CDC42BPB: variants seen among roughly 807,000 people sequenced by gnomAD.
CDC42BPB encodes serine/threonine-protein kinase MRCK beta.
CDC42BPB carries 37 observed loss-of-function variants against 214.9 expected under a neutral mutation model. The ratio of observed to expected loss-of-function variants is 0.17; its 90% CI spans 0.13 to 0.23. The LOEUF (loss-of-function observed/expected upper bound fraction) is 0.23, where lower values mean the gene tolerates loss of function less well. Among genes scored for constraint, CDC42BPB ranks in the 10% least tolerant of loss-of-function variants. The pLI is 1.00. For synonymous variants in CDC42BPB, 931 were observed against 884.0 expected (o/e 1.05, Z -0.94); for missense variants, 1,694 against 2,227.0 (o/e 0.76, Z 4.82).
chr14:103,027,855 C>T (rs531986551), intron 1 of CDC42BPB, among the ~76,000 whole-genome samples: 6 of 152,196 alleles, frequency 3.9e-5, no homozygotes, highest in Non-Finnish European at 5.9e-5. Context: ...AAAAGCCAGG[C>T]GTGGTGGATC....
chr14:102,986,152 A>C, intron 6 of CDC42BPB: 2 of 274,534 alleles, frequency 7.3e-6, no homozygotes, highest in Non-Finnish European at 1.4e-5. Flanking sequence ...CAGCCTGGAC[A>C]GGGCCCTTTA....
rs1210395925 is a variant in CDC42BPB, at chr14:102,933,595, C to T, written c.*117G>A. ...TAATAAAGATTTGTCTTCTTCATCT[C>T]CATATCTACAAAGTGATTCTACATT... On this transcript the variant is annotated 3_prime_UTR_variant, in exon 37 of 37. Coordinates refer to ENST00000361246, the MANE Select transcript of CDC42BPB (RefSeq NM_006035.4). 1 of 800,474 alleles carries T rather than the reference C, an allele frequency of 1.2e-6. No individual in the cohort carries two copies. Among genetic ancestry groups the T allele is most frequent in the Non-Finnish European group, 1.8e-6 (1 of 558,812 alleles). The allele number at this position is 800,474 out of a possible 1,614,324, so 49.6% of individuals were successfully genotyped here.
intron 5 of CDC42BPB, among the ~76,000 whole-genome samples, chr14:102,994,116 T>C (rs537099353): frequency 1.3e-4 from 20 of 152,132 alleles, no homozygotes; most frequent in East Asian, 9.7e-4. Flanking sequence ...AGGTGTTCTA[T>C]GGACCGAGTT....
At chr14:103,009,252 C>G (rs537243082) in intron 2 of CDC42BPB, among the ~76,000 whole-genome samples, 85 of 152,350 alleles carry the variant, frequency 5.6e-4, no homozygotes, top group African/African-American at 2.0e-3. Flanking sequence ...CATCTACCTG[C>G]CTGTTTCTAA....
Position 102,967,131 on chromosome 14 carries a change from G to T in CDC42BPB, c.2386C>A (p.Gln796Lys). 1 of 1,614,202 alleles carries T rather than the reference G, an allele frequency of 6.2e-7. No homozygotes were observed. The highest frequency in any genetic ancestry group is 8.5e-7 in the Non-Finnish European group (1 of 1,180,008). The change falls in exon 17 of 37, where the codon CAG becomes AAG. Residue 796 changes from glutamine (Q) to lysine (K), a missense_variant. By Grantham distance (53) the Gln-to-Lys change is moderately conservative. Coordinates refer to ENST00000361246, the MANE Select transcript of CDC42BPB (RefSeq NM_006035.4). ...FVDKLTAQNR[Q>K]LEDELQDLAA... Reference sequence around the variant, plus strand: ...AGATCCTGCAGCTCATCCTCCAGCTGTCTATTTTGAGCTGTGAGTTTATCC... The same window carrying T: ...AGATCCTGCAGCTCATCCTCCAGCTTTCTATTTTGAGCTGTGAGTTTATCC...
Position 102,933,771 on chromosome 14 carries a change from A to G in CDC42BPB, c.5077T>C (p.Ser1693Pro). The G allele has an allele frequency of 1.3e-6, 2 of 1,497,500 alleles. No individual in the cohort carries two copies. The highest frequency in any genetic ancestry group is 8.8e-7 in the Non-Finnish European group (1 of 1,137,906). The allele number at this position is 1,497,500 out of a possible 1,614,324, so 92.8% of individuals were successfully genotyped here. The change falls in exon 37 of 37, where the codon TCC (serine) becomes CCC (proline). Residue 1693 changes from serine (S) to proline (P), a missense_variant. Ser to Pro is a moderately conservative substitution (Grantham distance 74, BLOSUM62 -1). Transcript: ENST00000361246. ...AGGGGGAGCTGGCTCCTGTGGGGGGAGTTGGGGCTCGGTGGGCCGCTGGGG... is the reference window on the plus strand; with the variant it reads ...AGGGGGAGCTGGCTCCTGTGGGGGGGGTTGGGGCTCGGTGGGCCGCTGGGG... Reference protein sequence around the residue: ...SNPSGPPSPNSPHRSQLPLEG... With the variant: ...SNPSGPPSPNPPHRSQLPLEG...
chr14:102,978,758 C>G (rs1893869902), intron 8 of CDC42BPB, among the ~76,000 whole-genome samples: 1 of 152,174 alleles, frequency 6.6e-6, no homozygotes, highest in Admixed American at 6.5e-5. Context: ...GTAGTCCCAG[C>G]AATTTGGGAG....
intron 25 of CDC42BPB, 158 bp from the exon 26 acceptor site, chr14:102,950,062 G>A (rs1039193343): frequency 1.0e-6 from 1 of 985,376 alleles, no homozygotes; most frequent in African/African-American, 1.7e-5. Flanking sequence ...CGTTGCTGGG[G>A]AGGGGTCCAT....
At chr14:102,940,426 G>C (rs751314689) in intron 30 of CDC42BPB, 102 bp from the exon 31 acceptor site, 2 of 1,529,012 alleles carry the variant, frequency 1.3e-6, no homozygotes, top group Non-Finnish European at 8.8e-7. Context: ...GTGCAGAGGC[G>C]GCAGCACTGC....
At chr14:103,045,076 A>G (rs796537773) in intron 1 of CDC42BPB, among the ~76,000 whole-genome samples, 16 of 151,976 alleles carry the variant, frequency 1.1e-4, no homozygotes, top group African/African-American at 3.9e-4. Flanking sequence ...ATATTGAAAA[A>G]TAAATTCGGC....
chr14:102,938,469 C>T (rs1004037849), intron 34 of CDC42BPB, 58 bp from the exon 35 acceptor site: 50 of 1,503,406 alleles, frequency 3.3e-5, no homozygotes, highest in Middle Eastern at 2.5e-4. Flanking sequence ...GGGCCGGCTG[C>T]GAAGTTTGTG....
intron 21 of CDC42BPB, 101 bp downstream of exon 21, chr14:102,959,530 A>T (rs1892861517): frequency 4.0e-6 from 3 of 753,684 alleles, no homozygotes; most frequent in Non-Finnish European, 4.4e-6. Flanking sequence ...ATGTATATTT[A>T]CTGGTGTGTT....
chr14:102,988,405 A>T (rs1164975910), intron 5 of CDC42BPB, among the ~76,000 whole-genome samples: 4 of 151,972 alleles, frequency 2.6e-5, no homozygotes, highest in Non-Finnish European at 4.4e-5. Flanking sequence ...CCATAAGATT[A>T]AAAAAAAGAA....
At chr14:102,940,581 T>G in intron 30 of CDC42BPB, 1 of 948,032 alleles carries the variant, frequency 1.1e-6, no homozygotes, top group Non-Finnish European at 1.5e-6. Context: ...AGTACAGATG[T>G]TGAAGGTGAC....
intron 5 of CDC42BPB, among the ~76,000 whole-genome samples, chr14:102,990,092 A>C (rs890228549): frequency 1.3e-5 from 2 of 152,210 alleles, no homozygotes; most frequent in East Asian, 3.8e-4. Context: ...AACTTCATGC[A>C]GTTTTGGAAG....
chr14:103,040,796 C>T (rs1164798578), intron 1 of CDC42BPB, among the ~76,000 whole-genome samples: 1 of 152,152 alleles, frequency 6.6e-6, no homozygotes, highest in Admixed American at 6.6e-5. Context: ...AGTGGAAAGG[C>T]ATCTTATGAT....
intron 1 of CDC42BPB, among the ~76,000 whole-genome samples, chr14:103,044,651 G>C (rs1052581402): frequency 1.3e-5 from 2 of 151,926 alleles, no homozygotes; most frequent in African/African-American, 4.8e-5. Context: ...TTACGGGCGT[G>C]AGCCACCACG....
intron 1 of CDC42BPB, among the ~76,000 whole-genome samples, chr14:103,038,936 AAAG>A (rs1887828706): frequency 6.6e-6 from 1 of 152,198 alleles, no homozygotes; most frequent in South Asian, 2.1e-4. Flanking sequence ...GATGGAAATA[AAAG>A]AAGGGACACT....
chr14:103,037,663 G>A (rs949623107), intron 1 of CDC42BPB, among the ~76,000 whole-genome samples: 4 of 152,158 alleles, frequency 2.6e-5, no homozygotes, highest in African/African-American at 7.2e-5. Flanking sequence ...CTCCAAGGAC[G>A]GGCCCAAAGC....
Sources: allele counts gnomAD v4.1 joint callset (sites outside exome capture counted in the v4.1 genomes callset), GRCh38; gene constraint gnomAD v4.1.1; transcripts MANE v1.5; gene names NCBI Gene and HGNC (gene_info 2026-07-23, HGNC 2026-07-21).